WHRN: variants seen among roughly 807,000 people sequenced by gnomAD.
WHRN encodes the protein CASK-interacting protein CIP98.
Under a neutral mutation model 68.3 loss-of-function variants are expected in WHRN, and 41 were observed. The observed-to-expected ratio is 0.60, with a 90% CI of 0.47 to 0.78. WHRN has a LOEUF of 0.78. Among genes scored for constraint, WHRN ranks in the 30% least tolerant of loss-of-function variants. The pLI is 0.00. For missense variants in WHRN, 1,243 were observed against 1,244.7 expected (o/e 1.00, Z 0.02); for synonymous variants, 560 against 561.3 (o/e 1.00, Z 0.03).
At chr9:114,410,767 C>T (rs1007842589) in intron 7 of WHRN, among the ~76,000 whole-genome samples, 2 of 152,242 alleles carry the variant, frequency 1.3e-5, no homozygotes, top group Non-Finnish European at 2.9e-5. Flanking sequence ...GTTAACTGCA[C>T]ACTGCCTCAC....
chr9:114,461,527 C>T (rs1420677092), intron 3 of WHRN, among the ~76,000 whole-genome samples: 1 of 152,200 alleles, frequency 6.6e-6, no homozygotes, highest in Non-Finnish European at 1.5e-5. Flanking sequence ...ATCTCCCGTG[C>T]AATCAGGCTG....
At position 114,407,020 on chromosome 9, in the gene WHRN, A is replaced by G. The variant is rs2236388; in HGVS notation, c.1699-128T>C. 0.86 allele frequency: 921,544 copies of G among 1,068,276 alleles called. 400,269 individuals are homozygous for G. The highest frequency in any genetic ancestry group is 0.89 in the Non-Finnish European group (639,350 of 720,734). The allele number at this position is 1,068,276 out of a possible 1,614,324, so 66.2% of individuals were successfully genotyped here. A position where few individuals can be genotyped will look rare whatever the true frequency, so the allele number is the denominator to read the frequency against. ...CCCCACTCTAACTGCTCTTGGCCACACTGCTCTGAATAATGCAACACCTGA... is the reference window on the plus strand; with the variant it reads ...CCCCACTCTAACTGCTCTTGGCCACGCTGCTCTGAATAATGCAACACCTGA... On this transcript the variant is annotated intron_variant, in intron 8 of 11. Transcript: ENST00000362057.
chr9:114,498,906 T>C (rs1384611282), intron 1 of WHRN, among the ~76,000 whole-genome samples: 4 of 152,144 alleles, frequency 2.6e-5, no homozygotes, highest in Non-Finnish European at 5.9e-5. Context: ...ACCCAGCACA[T>C]AGTAGGTAAT....
At chr9:114,407,262 C>G (rs1327816179) in intron 8 of WHRN, among the ~76,000 whole-genome samples, 1 of 152,134 alleles carries the variant, frequency 6.6e-6, no homozygotes, top group Non-Finnish European at 1.5e-5. Context: ...ATCTTGAGTA[C>G]TAGAGGCAAG....
chr9:114,455,009 T>G (rs1291858010), intron 3 of WHRN, among the ~76,000 whole-genome samples: 3 of 150,428 alleles, frequency 2.0e-5, no homozygotes, highest in Admixed American at 2.0e-4. Flanking sequence ...CTGTCTATAA[T>G]GCAAACAAAT....
intron 1 of WHRN, among the ~76,000 whole-genome samples, chr9:114,494,932 G>C (rs368431025): frequency 8.5e-5 from 13 of 152,320 alleles, no homozygotes; most frequent in South Asian, 2.1e-4. Context: ...GACACTGGGG[G>C]GGGGAGCGGG....
intron 4 of WHRN, 67 bp from the exon 5 acceptor site, chr9:114,425,091 A>G (rs1460225735): frequency 6.6e-7 from 1 of 1,526,694 alleles, no homozygotes; most frequent in African/African-American, 1.4e-5. Flanking sequence ...GGCAAGGGAC[A>G]GGGTGACTTG....
chr9:114,472,987 G>A (rs1841363112), intron 2 of WHRN, among the ~76,000 whole-genome samples: 1 of 152,202 alleles, frequency 6.6e-6, no homozygotes, highest in South Asian at 2.1e-4. Context: ...CAAACCCAGT[G>A]CTGCTGAGCC....
intron 1 of WHRN, among the ~76,000 whole-genome samples, chr9:114,480,414 G>T (rs371642075): frequency 1.3e-5 from 2 of 152,140 alleles, no homozygotes; most frequent in South Asian, 2.1e-4. Flanking sequence ...AGGCCTTTAG[G>T]GGGTAACTGG....
chr9:114,461,061 T>C (rs1002453117), intron 3 of WHRN, among the ~76,000 whole-genome samples: 15 of 152,192 alleles, frequency 9.9e-5, no homozygotes, highest in Non-Finnish European at 2.2e-4. Context: ...GGATTGAAGA[T>C]AGAAAGGACT....
intron 1 of WHRN, among the ~76,000 whole-genome samples, chr9:114,493,104 T>C (rs1016550891): frequency 6.6e-6 from 1 of 151,918 alleles, no homozygotes; most frequent in Non-Finnish European, 1.5e-5. Context: ...AATCCCAGTG[T>C]TTTGAGAGGC....
chr9:114,418,316 G>A (rs1176545447), intron 7 of WHRN, among the ~76,000 whole-genome samples: 1 of 152,174 alleles, frequency 6.6e-6, no homozygotes, highest in Non-Finnish European at 1.5e-5. Context: ...GGGTTCCCAG[G>A]AGACAACAGG....
intron 11 of WHRN, 125 bp downstream of exon 11, chr9:114,403,090 GGT>G (rs139155973): frequency 4.5e-6 from 7 of 1,544,424 alleles, no homozygotes; most frequent in Non-Finnish European, 6.3e-6. Context: ...GAAGAGCAAA[GGT>G]GACATAAGCC....
At chr9:114,423,224 G>A in intron 7 of WHRN, 90 bp downstream of exon 7, 1 of 1,364,264 alleles carries the variant, frequency 7.3e-7, no homozygotes, top group Non-Finnish European at 1.0e-6. Flanking sequence ...TGGTGGTGCT[G>A]GGATTCGAAC....
chr9:114,413,573 C>T (rs1835607639), intron 7 of WHRN, among the ~76,000 whole-genome samples: 1 of 152,128 alleles, frequency 6.6e-6, no homozygotes, highest in Non-Finnish European at 1.5e-5. Context: ...GCAATCTCTC[C>T]AAGCACAGGG....
chr9:114,493,880 G>A (rs1843219827), intron 1 of WHRN, among the ~76,000 whole-genome samples: 1 of 152,244 alleles, frequency 6.6e-6, no homozygotes, highest in South Asian at 2.1e-4. Flanking sequence ...AACTCAGGGA[G>A]GAAACGCACA....
intron 1 of WHRN, chr9:114,503,839 C>G (rs1844146121): frequency 3.5e-6 from 1 of 285,620 alleles, no homozygotes; most frequent in African/African-American, 2.2e-5. Context: ...CAAAGGCCAC[C>G]TAATTATGCC....
chr9:114,424,857 G>C, intron 5 of WHRN, 131 bp downstream of exon 5: 1 of 1,028,982 alleles, frequency 9.7e-7, no homozygotes, highest in Non-Finnish European at 1.5e-6. Context: ...AGTGGGCTGG[G>C]GGGTGGGCAG....
chr9:114,504,843 T>A lies in WHRN; in HGVS notation c.-42A>T. ...GGCCGGGCTCTGAGCGCGCGGGGTG[T>A]GGGCGGTGCCGCTGTCCTCGCGGGT... On this transcript the variant is annotated 5_prime_UTR_variant, in exon 1 of 12. Coordinates refer to ENST00000362057, the MANE Select transcript of WHRN (RefSeq NM_015404.4). 1 of 1,361,592 alleles carries A rather than the reference T, an allele frequency of 7.3e-7. No individual in the cohort carries two copies. The highest frequency in any genetic ancestry group is 9.4e-7 in the Non-Finnish European group (1 of 1,068,006). 84.3% of individuals were successfully genotyped at this position (1,361,592 alleles called of 1,614,324 possible).
Sources: allele counts gnomAD v4.1 joint callset (sites outside exome capture counted in the v4.1 genomes callset), GRCh38; gene constraint gnomAD v4.1.1; transcripts MANE v1.5; gene names NCBI Gene and HGNC (gene_info 2026-07-23, HGNC 2026-07-21).